The following FHIT variants were observed in gnomAD, a reference collection of about 807,000 sequenced individuals.
FHIT encodes the protein bis(5'-adenosyl)-triphosphatase.
FHIT carries 19 observed loss-of-function variants against 17.9 expected under a neutral mutation model. That is an observed-to-expected ratio of 1.06 (90% CI 0.74 to 1.56). The LOEUF (loss-of-function observed/expected upper bound fraction) is 1.56. Among genes scored for constraint, FHIT ranks in the 40% most tolerant of loss-of-function variants. The pLI is 0.00. For missense variants in FHIT, 248 were observed against 189.2 expected, an observed-to-expected ratio of 1.31 and a Z score of -1.82; for synonymous variants, 81 against 69.7, an observed-to-expected ratio of 1.16 and a Z score of -0.81.
At chr3:60,193,216 G>A (rs545293762) in intron 5 of FHIT, among the ~76,000 whole-genome samples, 153 of 152,318 alleles carry the variant, frequency 1.0e-3, no homozygotes, top group African/African-American at 3.5e-3. Flanking sequence ...AAATGCGGAT[G>A]TGAGTATAAT....
intron 4 of FHIT, among the ~76,000 whole-genome samples, chr3:60,664,834 T>C (rs2040345746): frequency 6.6e-6 from 1 of 151,888 alleles, no homozygotes; most frequent in Non-Finnish European, 1.5e-5. Context: ...ATTTCCTATT[T>C]CCTTCCTGGT....
At position 61,046,546 on chromosome 3, in the gene FHIT, G is replaced by A. The variant is rs182794155; in HGVS notation, c.-163-4447C>T. ...CCAGGACCCAGATGGATTCACAGCC[G>A]AATTCTACCAGAGGTACAAAGAGGA... On this transcript the variant is annotated intron_variant, in intron 2 of 9. Coordinates refer to ENST00000492590, the MANE Select transcript of FHIT (RefSeq NM_002012.4). 7.2e-5 allele frequency among the ~76,000 whole-genome samples: 11 copies of A among 152,248 alleles called. No homozygotes were observed. In the East Asian group the frequency reaches 1.4e-3, roughly 19 times the overall value.
chr3:60,283,172 T>C (rs1707545075), intron 5 of FHIT, among the ~76,000 whole-genome samples: 1 of 152,052 alleles, frequency 6.6e-6, no homozygotes, highest in South Asian at 2.1e-4. Context: ...CAAGCTAAAA[T>C]TCCTTTCACT....
intron 5 of FHIT, among the ~76,000 whole-genome samples, chr3:60,485,473 A>G (rs1487453639): frequency 2.0e-5 from 3 of 152,246 alleles, no homozygotes; most frequent in African/African-American, 7.2e-5. Context: ...CTATGCAGAC[A>G]TATAAAGGAA....
chr3:60,042,030 C>A (rs988542061), intron 5 of FHIT, among the ~76,000 whole-genome samples: 1 of 152,082 alleles, frequency 6.6e-6, no homozygotes, highest in Non-Finnish European at 1.5e-5. Flanking sequence ...CAATCATGGC[C>A]GCCTTTCCAC....
intron 4 of FHIT, among the ~76,000 whole-genome samples, chr3:60,625,550 G>C (rs912704978): frequency 5.3e-5 from 8 of 152,054 alleles, no homozygotes; most frequent in Admixed American, 5.2e-4. Flanking sequence ...TTGGTCATCT[G>C]TATATCTTCT....
chr3:60,791,269 GA>G lies in FHIT; in HGVS notation c.-18+30649del, dbSNP rs1214887501. ...TAAAGAAGGGTTTCTCAGCTAAAGA[GA>G]AAAAAAAAACATGAAAATCACCAAT... On this transcript the variant is annotated intron_variant, in intron 4 of 9. Coordinates refer to ENST00000492590, the MANE Select transcript of FHIT (RefSeq NM_002012.4). Among the ~76,000 whole-genome samples the G allele has an allele frequency of 7.4e-4, 108 of 145,116 alleles. 2 individuals are homozygous for G. Among genetic ancestry groups the G allele is most frequent in the African/African-American group, 2.0e-3 (81 of 39,624 alleles).
At chr3:60,101,003 A>T (rs1704168070) in intron 5 of FHIT, among the ~76,000 whole-genome samples, 1 of 152,156 alleles carries the variant, frequency 6.6e-6, no homozygotes. Flanking sequence ...CTATTTCTGA[A>T]ATAGAGTCTG....
intron 3 of FHIT, among the ~76,000 whole-genome samples, chr3:61,028,835 G>C (rs368170247): frequency 6.7e-6 from 1 of 149,022 alleles, no homozygotes; most frequent in Non-Finnish European, 1.5e-5. Flanking sequence ...GAGGGTGCAG[G>C]AACTAGACAG....
intron 2 of FHIT, among the ~76,000 whole-genome samples, chr3:61,130,896 A>G (rs917470761): frequency 6.6e-6 from 1 of 152,214 alleles, no homozygotes; most frequent in African/African-American, 2.4e-5. Context: ...GGGTTTCATG[A>G]TTCTCATTAT....
At chr3:60,711,364 G>A (rs554967083) in intron 4 of FHIT, among the ~76,000 whole-genome samples, 2 of 152,228 alleles carry the variant, frequency 1.3e-5, no homozygotes, top group African/African-American at 4.8e-5. Flanking sequence ...AAAAAGCAGA[G>A]CGCCTCTCCT....
At chr3:60,268,425 T>G (rs1576395433) in intron 5 of FHIT, among the ~76,000 whole-genome samples, 1 of 152,206 alleles carries the variant, frequency 6.6e-6, no homozygotes. Context: ...TATATCCTAA[T>G]GTGTTGCATT....
chr3:59,858,236 C>CT (rs563841299), intron 8 of FHIT, among the ~76,000 whole-genome samples: 4,076 of 84,410 alleles, frequency 0.048, 181 homozygotes, highest in African/African-American at 0.068. Flanking sequence ...TTCCCACCTT[C>CT]TTTTTTTTTT....
chr3:60,510,534 T>C (rs2034910149), intron 5 of FHIT, among the ~76,000 whole-genome samples: 1 of 152,168 alleles, frequency 6.6e-6, no homozygotes, highest in Non-Finnish European at 1.5e-5. Flanking sequence ...CAAATATGTA[T>C]CCTTCCACTA....
intron 8 of FHIT, among the ~76,000 whole-genome samples, chr3:59,909,785 G>A (rs1366732756): frequency 6.6e-6 from 1 of 152,160 alleles, no homozygotes; most frequent in Admixed American, 6.5e-5. Flanking sequence ...GCCAATGAAT[G>A]AAAAAGAACA....
chr3:60,461,266 G>T (rs1336492032), intron 5 of FHIT, among the ~76,000 whole-genome samples: 1 of 152,054 alleles, frequency 6.6e-6, no homozygotes, highest in African/African-American at 2.4e-5. Flanking sequence ...AAAAAATCCA[G>T]CTCTACAGTT....
At chr3:60,363,074 G>C (rs1699966935) in intron 5 of FHIT, among the ~76,000 whole-genome samples, 1 of 152,140 alleles carries the variant, frequency 6.6e-6, no homozygotes, top group Non-Finnish European at 1.5e-5. Flanking sequence ...ACAGGTAAAA[G>C]TTTCCAGGGA....
chr3:60,528,438 A>AAAGG (rs888687377), intron 5 of FHIT, among the ~76,000 whole-genome samples: 36 of 129,868 alleles, frequency 2.8e-4, no homozygotes, highest in African/African-American at 8.8e-4. Flanking sequence ...AGGAAGGAAA[A>AAAGG]AAGGAAGGAA....
intron 4 of FHIT, among the ~76,000 whole-genome samples, chr3:60,569,755 A>ATTTTTTTTTT (rs1553654909): frequency 1.3e-5 from 1 of 77,334 alleles, no homozygotes; most frequent in Non-Finnish European, 2.3e-5. Context: ...ATATATATAT[A>ATTTTTTTTTT]TTTTTTTTTT....
Sources: allele counts gnomAD v4.1 joint callset (sites outside exome capture counted in the v4.1 genomes callset), GRCh38; gene constraint gnomAD v4.1.1; transcripts MANE v1.5; gene names NCBI Gene and HGNC (gene_info 2026-07-23, HGNC 2026-07-21).